Variants in UBR2 observed in about 807,000 individuals in gnomAD.
The protein encoded by UBR2 is E3 ubiquitin-protein ligase UBR2.
In UBR2, 92 loss-of-function variants were observed where a neutral mutation model predicts 247.9. The observed-to-expected ratio is 0.37, with a 90% CI of 0.31 to 0.44. The LOEUF (loss-of-function observed/expected upper bound fraction) is 0.44. UBR2 is among the 20% of genes least tolerant of loss of function. The pLI is 1.00. For synonymous variants in UBR2, 672 were observed against 693.5 expected, an observed-to-expected ratio of 0.97 and a Z score of 0.49; for missense variants, 1,613 against 2,112.6, an observed-to-expected ratio of 0.76 and a Z score of 4.64.
intron 7 of UBR2, among the ~76,000 whole-genome samples, chr6:42,611,491 C>T (rs1794085387): frequency 6.7e-6 from 1 of 150,366 alleles, no homozygotes; most frequent in Admixed American, 6.6e-5. Flanking sequence ...AACATCACAT[C>T]TATGCAATAA....
At chr6:42,586,933 G>GAAT in intron 2 of UBR2, among the ~76,000 whole-genome samples, 1 of 148,928 alleles carries the variant, frequency 6.7e-6, no homozygotes, top group Non-Finnish European at 1.5e-5. Flanking sequence ...TGATTCTCCT[G>GAAT]CCTCAGCCTC....
intron 2 of UBR2, among the ~76,000 whole-genome samples, chr6:42,579,267 G>A (rs750838618): frequency 9.2e-5 from 14 of 152,014 alleles, no homozygotes; most frequent in Non-Finnish European, 2.1e-4. Flanking sequence ...TGAGGAGGAG[G>A]TGCCACGCTT....
chr6:42,649,886 A>C (rs1288673245), intron 22 of UBR2, among the ~76,000 whole-genome samples: 1 of 152,208 alleles, frequency 6.6e-6, no homozygotes, highest in Non-Finnish European at 1.5e-5. Flanking sequence ...AAAGTTCTCT[A>C]AACCCCAATA....
At chr6:42,650,245 G>T (rs753991898) in intron 22 of UBR2, 39 bp from the exon 23 acceptor site, 1 of 1,513,954 alleles carries the variant, frequency 6.6e-7, no homozygotes, top group Non-Finnish European at 9.1e-7. Context: ...ATTAGTGTAT[G>T]GCTTTGGTAA....
intron 11 of UBR2, among the ~76,000 whole-genome samples, chr6:42,629,655 T>A (rs1232701536): frequency 2.0e-5 from 3 of 152,072 alleles, no homozygotes; most frequent in African/African-American, 7.2e-5. Context: ...AAACTCTGTC[T>A]CAAAAAAATA....
In UBR2 at chr6:42,684,779, TTC is replaced by T. The variant is rs1470781110; in HGVS notation, c.4776-11_4776-10del. On this transcript the variant is annotated splice_polypyrimidine_tract_variant and intron_variant, in intron 43 of 46. Transcript: ENST00000372901. Reference sequence around the variant, plus strand: ...AAATTAATGGAGTGTTCTTTAATTTTTCTCTTTTTTTCAGATATCCAAGAGAA... The same window carrying T: ...AAATTAATGGAGTGTTCTTTAATTTTTCTTTTTTTCAGATATCCAAGAGAA... 1.3e-6 allele frequency: 2 copies of T among 1,591,990 alleles called. No homozygotes were observed. Among genetic ancestry groups the T allele is most frequent in the African/African-American group, 1.3e-5 (1 of 74,214 alleles).
chr6:42,644,442 T>C, intron 19 of UBR2, 31 bp from the exon 20 acceptor site: 2 of 1,607,176 alleles, frequency 1.2e-6, no homozygotes, highest in Non-Finnish European at 1.7e-6. Flanking sequence ...TATTCTTATC[T>C]CTGAACTTTA....
intron 4 of UBR2, 105 bp from the exon 5 acceptor site, chr6:42,603,483 A>C (rs1793511450): frequency 1.8e-6 from 2 of 1,105,888 alleles, no homozygotes; most frequent in Admixed American, 3.9e-5. Context: ...CTGGAAGACC[A>C]GTCAACTTTT....
At chr6:42,583,992 A>AT (rs199507142) in intron 2 of UBR2, among the ~76,000 whole-genome samples, 1,314 of 120,558 alleles carry the variant, frequency 0.011, 4 homozygotes, top group Non-Finnish European at 0.016. Flanking sequence ...TCCCCATTGA[A>AT]TTTTTTTTTT....
At chr6:42,602,761 C>CGT (rs35409984) in intron 4 of UBR2, among the ~76,000 whole-genome samples, 64,940 of 145,384 alleles carry the variant, frequency 0.45, 14,005 homozygotes, top group African/African-American at 0.5. Flanking sequence ...GCTGTGTGTG[C>CGT]GTGTGTGTGT....
chr6:42,658,813 T>C lies in UBR2; in HGVS notation c.3231T>C (p.Val1077=). The C allele has an allele frequency of 6.5e-7, 1 of 1,549,498 alleles. No homozygotes were observed. The highest frequency in any genetic ancestry group is 2.3e-5 in the East Asian group (1 of 42,834). ...AACTGGATGCCTCAACCTCTGCTGT[T>C]CTTGATCATAGGTAAAAAAAAAAAA... ...TLELDASTSA[V]LDHSPVASDM... Residue 1077 remains valine (V), a synonymous_variant, in exon 29 of 47, where the codon GTT becomes GTC. Coordinates refer to ENST00000372901, the MANE Select transcript of UBR2 (RefSeq NM_001363705.2).
intron 20 of UBR2, 127 bp from the exon 21 acceptor site, chr6:42,645,339 T>A: frequency 3.4e-6 from 3 of 877,572 alleles, no homozygotes; most frequent in Non-Finnish European, 5.2e-6. Flanking sequence ...TGCAGAACAG[T>A]CATTACTTTC....
At chr6:42,605,587 C>T in intron 5 of UBR2, 134 bp from the exon 6 acceptor site, 2 of 683,898 alleles carry the variant, frequency 2.9e-6, no homozygotes, top group Non-Finnish European at 4.5e-6. Context: ...GAGCATAGGA[C>T]CACAGATGAA....
At chr6:42,638,544 T>C (rs575128436) in intron 15 of UBR2, among the ~76,000 whole-genome samples, 1 of 152,308 alleles carries the variant, frequency 6.6e-6, no homozygotes, top group Non-Finnish European at 1.5e-5. Flanking sequence ...GAAATCATGA[T>C]CGTAAGAAGA....
At chr6:42,580,354 C>A (rs1791799739) in intron 2 of UBR2, among the ~76,000 whole-genome samples, 1 of 152,192 alleles carries the variant, frequency 6.6e-6, no homozygotes, top group Non-Finnish European at 1.5e-5. Context: ...GTATCATCAA[C>A]TTGGCATGTA....
chr6:42,574,012 CT>C lies in UBR2; in HGVS notation c.338+22del. The C allele has an allele frequency of 6.5e-7, 1 of 1,540,462 alleles. No homozygotes were observed. Among genetic ancestry groups the C allele is most frequent in the Non-Finnish European group, 8.7e-7 (1 of 1,147,308 alleles). ...CTTGCAGGTAAAATATTTTAATTTTCTTTCTAGGAGGCTCTTGTTTTATTTG... is the reference window on the plus strand; with the variant it reads ...CTTGCAGGTAAAATATTTTAATTTTCTTCTAGGAGGCTCTTGTTTTATTTG... On this transcript the variant is annotated intron_variant, in intron 2 of 46. Coordinates refer to ENST00000372901, the MANE Select transcript of UBR2 (RefSeq NM_001363705.2).
At position 42,692,514 on chromosome 6, in the gene UBR2, G is replaced by A. The variant is rs1277402681; in HGVS notation, c.*1341G>A. The A allele has an allele frequency of 6.6e-6, 1 of 152,204 alleles. No individual in the cohort carries two copies. The highest frequency in any genetic ancestry group is 2.4e-5 in the African/African-American group (1 of 41,450). 9.4% of individuals were successfully genotyped at this position (152,204 alleles called of 1,614,324 possible). ...CTGAGAGCTTGAATACATGCAGAGA[G>A]TGACTGAAGACTTAGTAGAGGAATA... On this transcript the variant is annotated 3_prime_UTR_variant, in exon 47 of 47. Coordinates refer to ENST00000372901, the MANE Select transcript of UBR2 (RefSeq NM_001363705.2).
At chr6:42,564,808 GC>G (rs1440494436) in intron 1 of UBR2, among the ~76,000 whole-genome samples, 3 of 152,184 alleles carry the variant, frequency 2.0e-5, no homozygotes, top group African/African-American at 7.2e-5. Context: ...CCTGAGACAA[GC>G]GAAGCCGTGT....
At chr6:42,577,119 G>A (rs568521248) in intron 2 of UBR2, among the ~76,000 whole-genome samples, 2 of 152,204 alleles carry the variant, frequency 1.3e-5, no homozygotes, top group South Asian at 4.2e-4. Flanking sequence ...TTAAAAGTAG[G>A]TGTTTCCATG....
Sources: gnomAD v4.1 joint callset for allele counts (sites outside exome capture counted in the v4.1 genomes callset) on GRCh38, gnomAD v4.1.1 for gene constraint, MANE v1.5 for transcripts, NCBI Gene and HGNC (gene_info 2026-07-23, HGNC 2026-07-21) for gene names.